UGT1A6: variants seen among roughly 807,000 people sequenced by gnomAD.
The protein encoded by UGT1A6 is UDP-glucuronosyltransferase 1A6.
UGT1A6 carries 32 observed loss-of-function variants against 44.4 expected under a neutral mutation model. The observed-to-expected ratio is 0.72, with a 90% CI of 0.54 to 0.97. The LOEUF is 0.97. Among genes scored for constraint, UGT1A6 ranks in the 50% least tolerant of loss-of-function variants. UGT1A6 has a pLI of 0.00. For synonymous variants in UGT1A6, 238 were observed against 248.5 expected (o/e 0.96, Z 0.40); for missense variants, 685 against 661.9 (o/e 1.03, Z -0.38).
At chr2:233,758,753 G>A (rs1048074282) in intron 1 of UGT1A6, among the ~76,000 whole-genome samples, 17 of 152,318 alleles carry the variant, frequency 1.1e-4, no homozygotes, top group Middle Eastern at 6.8e-3. Flanking sequence ...GCTGGCCAGT[G>A]ATGTGTATGG....
At chr2:233,702,615 A>G (rs1053015833) in intron 1 of UGT1A6, among the ~76,000 whole-genome samples, 1 of 152,126 alleles carries the variant, frequency 6.6e-6, no homozygotes, top group Non-Finnish European at 1.5e-5. Flanking sequence ...TGCCCCCCAC[A>G]TTATGAGATT....
chr2:233,707,867 C>T (rs1275406716), intron 1 of UGT1A6, among the ~76,000 whole-genome samples: 2 of 152,118 alleles, frequency 1.3e-5, no homozygotes, highest in African/African-American at 4.8e-5. Flanking sequence ...TTGTACATAT[C>T]CCTGATTGCT....
rs28900406 is a variant in UGT1A6, at chr2:233,772,385, C to T, written c.1425C>T (p.Pro475=). Residue 475 remains proline (P), a synonymous_variant, in exon 5 of 5, where the codon CCC becomes CCT. Transcript: ENST00000305139. ...MRHKGAPHLR[P]AAHDLTWYQY... ...ACAAGGGCGCGCCACACCTGCGCCC[C>T]GCAGCCCACGACCTCACCTGGTACC... The T allele has an allele frequency of 7.5e-4, 1,213 of 1,614,246 alleles. 13 individuals are homozygous for T. The African/African-American group carries it at 0.014, about 19-fold the overall frequency.
At chr2:233,748,975 A>G (rs527445283) in intron 1 of UGT1A6, among the ~76,000 whole-genome samples, 1 of 151,758 alleles carries the variant, frequency 6.6e-6, no homozygotes, top group African/African-American at 2.4e-5. Context: ...AGTGGGATCT[A>G]CTTCTTTACC....
At chr2:233,695,534 T>C (rs2075294945) in intron 1 of UGT1A6, among the ~76,000 whole-genome samples, 1 of 152,134 alleles carries the variant, frequency 6.6e-6, no homozygotes, top group African/African-American at 2.4e-5. Context: ...TTTTTTCTTT[T>C]TCTTTTTTAA....
In UGT1A6 at chr2:233,747,787, C is replaced by T. The variant is rs1693777925; in HGVS notation, c.862-19247C>T. On this transcript the variant is annotated intron_variant, in intron 1 of 4. Coordinates refer to ENST00000305139, the MANE Select transcript of UGT1A6 (RefSeq NM_001072.4). ...GGCACACAGTGTCCAAATCCTTCCTCCTATATTCCTAAGTTACTAACGACC... is the reference window on the plus strand; with the variant it reads ...GGCACACAGTGTCCAAATCCTTCCTTCTATATTCCTAAGTTACTAACGACC... The T allele has an allele frequency of 6.8e-6, 11 of 1,613,400 alleles. No homozygotes were observed. The South Asian group carries it at 1.2e-4, about 18-fold the overall frequency.
At chr2:233,739,292 G>A (rs907438916) in intron 1 of UGT1A6, among the ~76,000 whole-genome samples, 2 of 152,186 alleles carry the variant, frequency 1.3e-5, no homozygotes, top group African/African-American at 4.8e-5. Flanking sequence ...AGTCTCCACT[G>A]GGGCACTGCC....
chr2:233,694,905 A>G (rs749639379), intron 1 of UGT1A6, among the ~76,000 whole-genome samples: 11 of 152,192 alleles, frequency 7.2e-5, no homozygotes, highest in Non-Finnish European at 1.3e-4. Context: ...ATTTTGATAC[A>G]CGTATACAAT....
intron 1 of UGT1A6, chr2:233,743,659 G>A (rs1692418215): frequency 1.5e-6 from 2 of 1,367,268 alleles, no homozygotes; most frequent in Non-Finnish European, 2.0e-6. Context: ...CGTACTCGAA[G>A]GGGTCCTCGA....
chr2:233,691,973 A>G (rs940295780), upstream of UGT1A6: 1 of 152,272 alleles, frequency 6.6e-6, no homozygotes, highest in Admixed American at 6.5e-5. Flanking sequence ...ATCCCTTTCG[A>G]TCACACCTAA....
chr2:233,743,431 C>A lies in UGT1A6; in HGVS notation c.862-23603C>A, dbSNP rs755334550. 6 of 1,354,320 alleles carry A rather than the reference C, an allele frequency of 4.4e-6. No homozygotes were observed. In the East Asian group the frequency reaches 1.9e-4, roughly 42 times the overall value. The allele number at this position is 1,354,320 out of a possible 1,614,324, so 83.9% of individuals were successfully genotyped here. A position where few individuals can be genotyped will look rare whatever the true frequency, so the allele number is the denominator to read the frequency against. ...CCCACTTCCCAGGGAGCCAAAGGAA[C>A]GAAATCCTGTATCAAAAGAAGAAAA... On this transcript the variant is annotated intron_variant, in intron 1 of 4. Transcript: ENST00000305139.
chr2:233,765,829 A>G (rs1183192876), intron 1 of UGT1A6, among the ~76,000 whole-genome samples: 1 of 152,104 alleles, frequency 6.6e-6, no homozygotes, highest in East Asian at 1.9e-4. Flanking sequence ...TGAAACAGGA[A>G]AACTTTCCTT....
intron 1 of UGT1A6, chr2:233,756,230 C>T (rs1280753131): frequency 1.3e-5 from 2 of 152,182 alleles, no homozygotes; most frequent in African/African-American, 4.8e-5. Context: ...TAGTTTAGGA[C>T]AACCCTCCTT....
In UGT1A6 at chr2:233,769,857, CAAAAA is replaced by C; in HGVS notation, c.1301+1431_1301+1435del. On this transcript the variant is annotated intron_variant, in intron 4 of 4. Coordinates refer to ENST00000305139, the MANE Select transcript of UGT1A6 (RefSeq NM_001072.4). This position sits in a 1 kb window ranked among gnomAD's most constrained non-coding sequence, Gnocchi z 4.4. ...TGGGCAACAGAGTGAGACCCTGTCT[CAAAAA>C]AAAAAAAAAAAATGAAAAGTCCACA... The C allele has an allele frequency of 3.2e-4, 71 of 223,570 alleles. No homozygotes were observed. Among genetic ancestry groups the C allele is most frequent in the South Asian group, 7.7e-4 (7 of 9,102 alleles). The allele number at this position is 223,570 out of a possible 1,614,324, so 13.8% of individuals were successfully genotyped here.
intron 1 of UGT1A6, among the ~76,000 whole-genome samples, chr2:233,709,507 T>C (rs1264085569): frequency 2.6e-5 from 4 of 152,174 alleles, no homozygotes; most frequent in Admixed American, 2.0e-4. Context: ...TGCCTCTTGC[T>C]CTCTTTTAGG....
At chr2:233,761,005 A>G (rs1292729265) in intron 1 of UGT1A6, 1 of 1,614,128 alleles carries the variant, frequency 6.2e-7, no homozygotes, top group South Asian at 1.1e-5. Context: ...ATTCCTTCAG[A>G]GAGAGGTGAC....
At chr2:233,757,559 T>TATATATATACATATAC in intron 1 of UGT1A6, among the ~76,000 whole-genome samples, 4 of 124,406 alleles carry the variant, frequency 3.2e-5, no homozygotes, top group Non-Finnish European at 3.3e-5. Context: ...TATATATATA[T>TATATATATACATATAC]ATGTATATAT....
intron 1 of UGT1A6, among the ~76,000 whole-genome samples, chr2:233,759,051 G>A (rs1697047727): frequency 6.6e-6 from 1 of 152,170 alleles, no homozygotes; most frequent in Non-Finnish European, 1.5e-5. Context: ...GTGAACAAAA[G>A]TTCTCTGAAA....
Position 233,769,525 on chromosome 2 carries a change from C to T in UGT1A6, c.1301+1086C>T. On this transcript the variant is annotated intron_variant, in intron 4 of 4. Transcript: ENST00000305139. The surrounding 1 kb of genome is among the most constrained non-coding windows in gnomAD (Gnocchi z 4.4). ...CATTGCTTTCTCCCATGGTTACCTC[C>T]TTTAGAAAGAAGCAGCAGTCAGGAA... 1 of 1,612,854 alleles carries T rather than the reference C, an allele frequency of 6.2e-7. No individual in the cohort carries two copies. Among genetic ancestry groups the T allele is most frequent in the Non-Finnish European group, 8.5e-7 (1 of 1,179,858 alleles).
Sources: allele counts gnomAD v4.1 joint callset (sites outside exome capture counted in the v4.1 genomes callset), GRCh38; gene constraint gnomAD v4.1.1; non-coding constraint Gnocchi (gnomAD v3.1); transcripts MANE v1.5; gene names NCBI Gene and HGNC (gene_info 2026-07-23, HGNC 2026-07-21).